The following GABRG3 variants were observed in gnomAD, a reference collection of about 807,000 sequenced individuals.
GABRG3 encodes the protein gamma-aminobutyric acid type A receptor subunit gamma3, also known as gamma-aminobutyric acid receptor subunit gamma-3.
Under a neutral mutation model 48.8 loss-of-function variants are expected in GABRG3, and 25 were observed. The ratio of observed to expected loss-of-function variants is 0.51; its 90% confidence interval spans 0.37 to 0.72. The LOEUF (loss-of-function observed/expected upper bound fraction) is 0.72. Ranked by LOEUF, GABRG3 falls within the 30% of genes least tolerant of loss-of-function variation. The pLI is 0.00. For synonymous variants in GABRG3, 227 were observed against 217.6 expected (o/e 1.04, Z -0.38); for missense variants, 394 against 577.9 (o/e 0.68, Z 3.26).
chr15:27,032,049 T>G (rs554542794), intron 3 of GABRG3, among the ~76,000 whole-genome samples: 3 of 152,218 alleles, frequency 2.0e-5, no homozygotes, highest in African/African-American at 4.8e-5. Flanking sequence ...GAAGGTTACA[T>G]GCTTCTCCCA....
intron 6 of GABRG3, among the ~76,000 whole-genome samples, chr15:27,517,099 C>T (rs567961864): frequency 6.9e-6 from 1 of 145,564 alleles, no homozygotes; most frequent in Non-Finnish European, 1.5e-5. Flanking sequence ...ATGCATGCGC[C>T]CAGCACTGGG....
intron 3 of GABRG3, among the ~76,000 whole-genome samples, chr15:27,171,546 GTA>G (rs1887571773): frequency 7.1e-6 from 1 of 140,926 alleles, no homozygotes; most frequent in Non-Finnish European, 1.5e-5. Context: ...GTATACACAT[GTA>G]TATATATGTA....
At chr15:27,318,420 G>A (rs1026022934) in intron 3 of GABRG3, among the ~76,000 whole-genome samples, 17 of 152,028 alleles carry the variant, frequency 1.1e-4, no homozygotes, top group African/African-American at 4.1e-4. Context: ...CAGGGAGATG[G>A]GGGAAAGACT....
chr15:27,350,279 G>A (rs914133006), intron 5 of GABRG3: 4 of 432,410 alleles, frequency 9.3e-6, no homozygotes, highest in African/African-American at 8.1e-5. Flanking sequence ...CCTCCATGGG[G>A]CCCACAGAGC....
At chr15:27,391,183 T>A (rs947730545) in intron 5 of GABRG3, among the ~76,000 whole-genome samples, 1 of 152,242 alleles carries the variant, frequency 6.6e-6, no homozygotes, top group East Asian at 1.9e-4. Context: ...CCTTGTAAAA[T>A]AGAAAAATAG....
In GABRG3 at chr15:27,268,357, T is replaced by G. The variant is rs11263715; in HGVS notation, c.271-58452T>G. ...ATATCCTCTTATTCTCCTCTTAATA[T>G]AAGTAGAATCTATGGTAATGTCACC... On this transcript the variant is annotated intron_variant, in intron 3 of 9. Coordinates refer to ENST00000615808, the MANE Select transcript of GABRG3 (RefSeq NM_033223.5). Among the ~76,000 whole-genome samples the G allele has an allele frequency of 3.9e-5, 6 of 152,116 alleles. No homozygotes were observed. The East Asian group carries it at 9.6e-4, about 24-fold the overall frequency.
intron 3 of GABRG3, among the ~76,000 whole-genome samples, chr15:27,271,026 G>A (rs932860057): frequency 2.3e-4 from 35 of 152,184 alleles, no homozygotes; most frequent in African/African-American, 7.2e-4. Context: ...AAGGTCCTGG[G>A]TGGTGAGGAT....
chr15:26,976,279 G>T lies in GABRG3; in HGVS notation c.54-723G>T, dbSNP rs1323118173. Among the ~76,000 whole-genome samples the T allele has an allele frequency of 6.6e-6, 1 of 152,216 alleles. No individual in the cohort carries two copies. Among genetic ancestry groups the T allele is most frequent in the Non-Finnish European group, 1.5e-5 (1 of 68,044 alleles). On this transcript the variant is annotated intron_variant, in intron 1 of 9. Coordinates refer to ENST00000615808, the MANE Select transcript of GABRG3 (RefSeq NM_033223.5). This position sits in a 1 kb window ranked among gnomAD's most constrained non-coding sequence, Gnocchi z 7.8. ...GCATTCACTGAGACTCATTTACTAAGAAGTCAGAATGTTGAAGACTTATTA... is the reference window on the plus strand; with the variant it reads ...GCATTCACTGAGACTCATTTACTAATAAGTCAGAATGTTGAAGACTTATTA...
chr15:27,461,042 T>C (rs183671963), intron 5 of GABRG3, among the ~76,000 whole-genome samples: 3 of 152,288 alleles, frequency 2.0e-5, no homozygotes, highest in Admixed American at 1.3e-4. Flanking sequence ...TACAAACATA[T>C]CTACTCTCCC....
intron 3 of GABRG3, among the ~76,000 whole-genome samples, chr15:27,079,602 C>T (rs922700840): frequency 2.0e-5 from 3 of 152,108 alleles, no homozygotes; most frequent in Admixed American, 6.6e-5. Context: ...GAAGTGGAGC[C>T]GTTTCAAGAA....
chr15:27,287,192 T>A (rs1015191305), intron 3 of GABRG3, among the ~76,000 whole-genome samples: 2 of 152,182 alleles, frequency 1.3e-5, no homozygotes, highest in Non-Finnish European at 2.9e-5. Flanking sequence ...TGCACCCCTG[T>A]TGCTTACATA....
chr15:27,403,915 AAAAAAAAAAAAAAC>A (rs1309024879), intron 5 of GABRG3, among the ~76,000 whole-genome samples: 8 of 81,240 alleles, frequency 9.8e-5, no homozygotes, highest in African/African-American at 3.2e-4. Flanking sequence ...AAAAAAAAAC[AAAAAAAAAAAAAAC>A]AAAAAAAAAA....
intron 3 of GABRG3, among the ~76,000 whole-genome samples, chr15:27,303,765 T>TAC (rs575790430): frequency 1.4e-4 from 21 of 151,344 alleles, no homozygotes; most frequent in African/African-American, 4.3e-4. Flanking sequence ...TATATATATA[T>TAC]ACACACACAT....
rs1358331393 is a variant in GABRG3, at chr15:26,971,325, G to A, written c.-211G>A. 10 of 289,050 alleles carry A rather than the reference G, an allele frequency of 3.5e-5. No homozygotes were observed. The East Asian group carries it at 5.0e-4, about 14-fold the overall frequency. 17.9% of individuals were successfully genotyped at this position (289,050 alleles called of 1,614,324 possible). A position where few individuals can be genotyped will look rare whatever the true frequency, so the allele number is the denominator to read the frequency against. ...CCGGCGCTAGTGCGCGGGTGGGGGC[G>A]GCGCGCCGCGGTGGCCCGGCGTCCC... On this transcript the variant is annotated 5_prime_UTR_variant, in exon 1 of 10. Coordinates refer to ENST00000615808, the MANE Select transcript of GABRG3 (RefSeq NM_033223.5).
At chr15:27,142,772 T>C (rs570171780) in intron 3 of GABRG3, among the ~76,000 whole-genome samples, 2 of 142,074 alleles carry the variant, frequency 1.4e-5, no homozygotes, top group South Asian at 2.3e-4. Flanking sequence ...TGTTTGTTTG[T>C]TTGCTTGGTT....
intron 3 of GABRG3, among the ~76,000 whole-genome samples, chr15:27,204,841 G>A (rs956098635): frequency 4.6e-5 from 7 of 152,096 alleles, no homozygotes; most frequent in Non-Finnish European, 1.0e-4. Context: ...CTCTCAGCAT[G>A]AGTGTTATTG....
intron 5 of GABRG3, among the ~76,000 whole-genome samples, chr15:27,343,738 T>C (rs1473331523): frequency 6.6e-6 from 1 of 152,120 alleles, no homozygotes; most frequent in Non-Finnish European, 1.5e-5. Flanking sequence ...GTCAACAAAT[T>C]CTAAAGCCGT....
intron 6 of GABRG3, among the ~76,000 whole-genome samples, chr15:27,491,298 C>T (rs1890348330): frequency 6.6e-6 from 1 of 152,218 alleles, no homozygotes; most frequent in South Asian, 2.1e-4. Context: ...CCTACTTACT[C>T]TTCCCAGGGA....
At chr15:27,439,528 T>C (rs529924235) in intron 5 of GABRG3, among the ~76,000 whole-genome samples, 196 of 152,296 alleles carry the variant, frequency 1.3e-3, no homozygotes, top group African/African-American at 4.4e-3. Context: ...CTCAGGTGTT[T>C]ATGAACTGAC....
Sources: allele counts gnomAD v4.1 joint callset (sites outside exome capture counted in the v4.1 genomes callset), GRCh38; gene constraint gnomAD v4.1.1; non-coding constraint Gnocchi (gnomAD v3.1); transcripts MANE v1.5; gene names NCBI Gene and HGNC (gene_info 2026-07-23, HGNC 2026-07-21).